TAF4: variants seen among roughly 807,000 people sequenced by gnomAD.
The protein encoded by TAF4 is TATA-box binding protein associated factor 4, also known as transcription initiation factor TFIID subunit 4.
A neutral mutation model predicts 90.3 loss-of-function variants in TAF4; 9 were observed. The observed-to-expected ratio is 0.10, with a 90% CI of 0.06 to 0.17. The LOEUF is 0.17. Among genes scored for constraint, TAF4 ranks in the 10% least tolerant of loss-of-function variants. The probability of loss-of-function intolerance (pLI) is 1.00; values close to 1 mark genes in which losing one functional copy is unlikely to be tolerated. For missense variants in TAF4, 1,351 were observed against 1,370.7 expected, an observed-to-expected ratio of 0.99 and a Z score of 0.23; for synonymous variants, 818 against 638.9, an observed-to-expected ratio of 1.28 and a Z score of -4.23.
chr20:62,009,909 CCA>C (rs1176755947), intron 4 of TAF4, 135 bp downstream of exon 4: 1 of 1,415,542 alleles, frequency 7.1e-7, no homozygotes, highest in Non-Finnish European at 9.6e-7. Flanking sequence ...CACGTGGGCC[CCA>C]GACTGTTCAC....
At chr20:62,056,973 G>C (rs759907396) in intron 1 of TAF4, among the ~76,000 whole-genome samples, 1 of 152,184 alleles carries the variant, frequency 6.6e-6, no homozygotes, top group Non-Finnish European at 1.5e-5. Flanking sequence ...TCCAAAGCAA[G>C]GCAGGCCTGT....
At chr20:62,032,923 C>G (rs1000883238) in intron 1 of TAF4, among the ~76,000 whole-genome samples, 1 of 152,214 alleles carries the variant, frequency 6.6e-6, no homozygotes, top group Non-Finnish European at 1.5e-5. Flanking sequence ...GCCCAGCCCT[C>G]TAAGAACCTG....
At chr20:62,050,881 C>T (rs1329869149) in intron 1 of TAF4, among the ~76,000 whole-genome samples, 1 of 152,160 alleles carries the variant, frequency 6.6e-6, no homozygotes, top group East Asian at 1.9e-4. Context: ...CTCCTGCACC[C>T]ACCCAGCAAG....
intron 1 of TAF4, among the ~76,000 whole-genome samples, chr20:62,063,320 G>A (rs550650182): frequency 2.0e-5 from 3 of 152,354 alleles, no homozygotes; most frequent in African/African-American, 4.8e-5. Context: ...TCAGAGAGGG[G>A]ACGCAGGAGG....
chr20:61,985,769 G>A (rs763699195), intron 14 of TAF4, among the ~76,000 whole-genome samples: 37 of 151,694 alleles, frequency 2.4e-4, no homozygotes, highest in Non-Finnish European at 4.6e-4. Flanking sequence ...ACAGGTGCAG[G>A]TGCAGACGAG....
At chr20:62,025,796 A>G (rs760159200) in intron 1 of TAF4, among the ~76,000 whole-genome samples, 1 of 152,170 alleles carries the variant, frequency 6.6e-6, no homozygotes, top group African/African-American at 2.4e-5. Flanking sequence ...TAAAATTCTA[A>G]AACACACAGA....
rs375737480 is a variant in TAF4, at chr20:62,046,770, G to A, written c.1360+17681C>T. On this transcript the variant is annotated intron_variant, in intron 1 of 14. Transcript: ENST00000252996. ...AGTTTAACTCCAGCTGTTTTTAGGT[G>A]GGTGTGTTATCAGCCGCAGCATCCC... 1.3e-4 allele frequency among the ~76,000 whole-genome samples: 20 copies of A among 152,336 alleles called. 1 individual carries two copies. In the East Asian group the frequency reaches 1.9e-3, roughly 15 times the overall value.
intron 1 of TAF4, among the ~76,000 whole-genome samples, chr20:62,056,430 C>T (rs2056064490): frequency 6.6e-6 from 1 of 152,112 alleles, no homozygotes; most frequent in African/African-American, 2.4e-5. Flanking sequence ...AAAGTGTAAT[C>T]TGGTGGAAGG....
In TAF4 at chr20:62,065,249, TGCCAGGGCCAGG is replaced by T. The variant is rs200074661; in HGVS notation, c.550_561del (p.Pro184_Gly187del). Reference sequence around the variant, plus strand: ...TGCGCGGCGCCGGGGCCGGCGGGCTTGCCAGGGCCAGGGCCGGGGCCGGGGCCGGGGCCGGGC... The same window carrying T: ...TGCGCGGCGCCGGGGCCGGCGGGCTTGCCGGGGCCGGGGCCGGGGCCGGGC... On this transcript the variant is annotated inframe_deletion, in exon 1 of 15. Coordinates refer to ENST00000252996, the MANE Select transcript of TAF4 (RefSeq NM_003185.4). 3.7e-5 allele frequency: 38 copies of T among 1,017,550 alleles called. No individual in the cohort carries two copies. Among genetic ancestry groups the T allele is most frequent in the South Asian group, 2.9e-4 (11 of 37,364 alleles). The allele number at this position is 1,017,550 out of a possible 1,614,324, so 63.0% of individuals were successfully genotyped here.
At chr20:62,044,481 G>A (rs1038457709) in intron 1 of TAF4, among the ~76,000 whole-genome samples, 1 of 152,166 alleles carries the variant, frequency 6.6e-6, no homozygotes, top group Non-Finnish European at 1.5e-5. Flanking sequence ...TATCAAATTG[G>A]TAACATAACC....
chr20:62,046,171 C>T (rs1347477478), intron 1 of TAF4, among the ~76,000 whole-genome samples: 1 of 152,194 alleles, frequency 6.6e-6, no homozygotes, highest in Non-Finnish European at 1.5e-5. Flanking sequence ...CCCCGAAACA[C>T]CACGCTACAG....
intron 1 of TAF4, among the ~76,000 whole-genome samples, chr20:62,017,073 G>C (rs1393115613): frequency 6.6e-6 from 1 of 151,914 alleles, no homozygotes; most frequent in African/African-American, 2.4e-5. Context: ...TCCAGGAGCT[G>C]GAAGCTGCAG....
intron 1 of TAF4, among the ~76,000 whole-genome samples, chr20:62,034,321 C>T (rs761605413): frequency 3.9e-5 from 6 of 151,998 alleles, no homozygotes; most frequent in Non-Finnish European, 8.8e-5. Flanking sequence ...AATTAGAAAA[C>T]GCAATTTTTT....
Position 62,012,790 on chromosome 20 carries a change from A to G in TAF4, c.1641+25T>C, listed in dbSNP as rs778113321. ...ACACTTCGTGGCCCCTGCAGCCTCAAGAGATCCGCCGCCTGCCCTCTCACC... is the reference window on the plus strand; with the variant it reads ...ACACTTCGTGGCCCCTGCAGCCTCAGGAGATCCGCCGCCTGCCCTCTCACC... On this transcript the variant is annotated intron_variant, in intron 3 of 14. Coordinates refer to ENST00000252996, the MANE Select transcript of TAF4 (RefSeq NM_003185.4). 9 of 1,599,990 alleles carry G rather than the reference A, an allele frequency of 5.6e-6. No individual in the cohort carries two copies. The Middle Eastern group carries it at 5.5e-4, about 99-fold the overall frequency.
At chr20:61,988,325 A>G (rs2055608224) in intron 14 of TAF4, among the ~76,000 whole-genome samples, 1 of 152,198 alleles carries the variant, frequency 6.6e-6, no homozygotes, top group African/African-American at 2.4e-5. Context: ...TCTGTACTAA[A>G]AAAGTCCCCT....
chr20:62,055,787 C>T (rs948726872), intron 1 of TAF4, among the ~76,000 whole-genome samples: 1 of 152,202 alleles, frequency 6.6e-6, no homozygotes, highest in African/African-American at 2.4e-5. Flanking sequence ...GTGCTAATCA[C>T]AATCAGACAT....
intron 14 of TAF4, among the ~76,000 whole-genome samples, chr20:61,991,624 G>A (rs1004385035): frequency 2.0e-5 from 3 of 152,022 alleles, no homozygotes; most frequent in Admixed American, 1.3e-4. Flanking sequence ...AAAAAAGAGA[G>A]AGAGAGATTT....
rs969106088 is a variant in TAF4 at position 62,047,250 on chromosome 20, T to C, written c.1360+17201A>G. Among the ~76,000 whole-genome samples, 9 of 152,328 alleles carry C rather than the reference T, an allele frequency of 5.9e-5. No individual in the cohort carries two copies. In the East Asian group the frequency reaches 1.7e-3, roughly 29 times the overall value. ...ACACACTCTTACTAGCATGGGGCTATGGTAGCTACCACTGCAATCCCAAAG... is the reference window on the plus strand; with the variant it reads ...ACACACTCTTACTAGCATGGGGCTACGGTAGCTACCACTGCAATCCCAAAG... On this transcript the variant is annotated intron_variant, in intron 1 of 14. Transcript: ENST00000252996.
At chr20:62,026,616 C>T (rs1165830070) in intron 1 of TAF4, among the ~76,000 whole-genome samples, 2 of 152,212 alleles carry the variant, frequency 1.3e-5, no homozygotes, top group Non-Finnish European at 2.9e-5. Context: ...AGACTGCGCG[C>T]ACCCTCCACA....
Sources: gnomAD v4.1 joint callset for allele counts (sites outside exome capture counted in the v4.1 genomes callset) on GRCh38, gnomAD v4.1.1 for gene constraint, MANE v1.5 for transcripts, NCBI Gene and HGNC (gene_info 2026-07-23, HGNC 2026-07-21) for gene names.